The following ARHGEF33 variants were observed in gnomAD, a reference collection of about 807,000 sequenced individuals.
ARHGEF33 encodes DH and coiled-coil domain-containing protein ENSP00000381780.
Under a neutral mutation model 101.9 loss-of-function variants are expected in ARHGEF33, and 72 were observed. That is an observed-to-expected ratio of 0.71 (90% CI 0.58 to 0.86). ARHGEF33 has a LOEUF of 0.86. ARHGEF33 is among the 40% of genes least tolerant of loss of function. ARHGEF33 has a pLI of 0.00. For synonymous variants in ARHGEF33, 499 were observed against 442.5 expected (o/e 1.13, Z -1.60); for missense variants, 1,169 against 1,111.3 (o/e 1.05, Z -0.74).
chr2:38,935,714 G>A (rs1400072545), intron 7 of ARHGEF33, 61 bp from the exon 8 acceptor site: 12 of 1,391,956 alleles, frequency 8.6e-6, no homozygotes, highest in Non-Finnish European at 1.1e-5. Context: ...CAGGCTCGTG[G>A]AAGGTGCTTA....
chr2:38,931,397 TC>T, intron 7 of ARHGEF33, 146 bp downstream of exon 7: 2 of 715,910 alleles, frequency 2.8e-6, no homozygotes, highest in East Asian at 2.8e-5. Flanking sequence ...TTCAGAAGAA[TC>T]CAGAGGATCT....
At chr2:38,913,711 G>T (rs1018240593) in intron 2 of ARHGEF33, among the ~76,000 whole-genome samples, 5 of 151,930 alleles carry the variant, frequency 3.3e-5, no homozygotes, top group African/African-American at 1.2e-4. Flanking sequence ...AGGAGGTGGA[G>T]GTTGCAGTGA....
chr2:38,971,898 T>C, intron 17 of ARHGEF33: 2 of 718,572 alleles, frequency 2.8e-6, no homozygotes, highest in Non-Finnish European at 5.2e-6. Context: ...TGAAGATTTC[T>C]GTGGTCCTTG....
At chr2:38,967,214 G>T (rs896424141) in intron 17 of ARHGEF33, among the ~76,000 whole-genome samples, 1 of 152,178 alleles carries the variant, frequency 6.6e-6, no homozygotes, top group African/African-American at 2.4e-5. Flanking sequence ...TGTTTTTGCT[G>T]GTTTGTCTAA....
chr2:38,957,271 A>G (rs1189739506), intron 14 of ARHGEF33, among the ~76,000 whole-genome samples: 1 of 152,218 alleles, frequency 6.6e-6, no homozygotes, highest in East Asian at 1.9e-4. Flanking sequence ...TACTGCTTAC[A>G]TAGACCCCCT....
At chr2:38,937,313 G>A (rs775258888) in intron 8 of ARHGEF33, 22 bp from the exon 9 acceptor site, 15 of 568,626 alleles carry the variant, frequency 2.6e-5, no homozygotes, top group South Asian at 1.9e-4. Context: ...TTGTTTCCCC[G>A]CCCCTCCCCC....
Position 38,954,396 on chromosome 2 carries a change from C to G in ARHGEF33, c.1161C>G (p.Asp387Glu). Residue 387 changes from aspartate to glutamate, a missense_variant, in exon 13 of 18, where the codon GAC becomes GAG. By Grantham distance (45) the Asp-to-Glu change is conservative. Coordinates refer to ENST00000409978, the MANE Select transcript of ARHGEF33 (RefSeq NM_001145451.5). ...AGGGTGATGAAGAGATTAAATCTGA[C>G]ATCTACACGTTGTTTTTTCACATAG... Reference protein sequence around the residue: ...LKEGDEEIKSDIYTLFFHIVQ... With the variant: ...LKEGDEEIKSEIYTLFFHIVQ... 6.5e-7 allele frequency: 1 copy of G among 1,546,832 alleles called. No homozygotes were observed. Among genetic ancestry groups the G allele is most frequent in the South Asian group, 1.2e-5 (1 of 83,782 alleles).
chr2:38,893,711 C>T (rs778943278), intron 1 of ARHGEF33, among the ~76,000 whole-genome samples: 7 of 152,182 alleles, frequency 4.6e-5, no homozygotes, highest in Non-Finnish European at 7.3e-5. Flanking sequence ...GCACCTGGTA[C>T]AATGCCTTTT....
intron 1 of ARHGEF33, among the ~76,000 whole-genome samples, chr2:38,892,184 G>A (rs1388597977): frequency 6.6e-6 from 1 of 152,030 alleles, no homozygotes. Flanking sequence ...TTTGTCTTTG[G>A]GGCCTACTTA....
At chr2:38,941,393 T>TTCACATAAA (rs1419234367) in intron 9 of ARHGEF33, among the ~76,000 whole-genome samples, 3 of 152,182 alleles carry the variant, frequency 2.0e-5, no homozygotes, top group Admixed American at 6.5e-5. Context: ...GCAAAATGCT[T>TTCACATAAA]TCACATAGTT....
Position 38,973,729 on chromosome 2 carries a change from A to G in ARHGEF33, c.2499A>G (p.Glu833=), listed in dbSNP as rs919930044. ...GAGATTTTAGGTCCAGTGGATCAGAATACAGGGAAAAAACTAATGAGAATC... is the reference window on the plus strand; with the variant it reads ...GAGATTTTAGGTCCAGTGGATCAGAGTACAGGGAAAAAACTAATGAGAATC... The part of the protein sequence containing the change: ...KLFKKKSSGS[E]YREKTNENPS... The change falls in exon 18 of 18, where the codon GAA becomes GAG. Residue 833 remains glutamate, a synonymous_variant. Transcript: ENST00000409978. 20 of 1,542,520 alleles carry G rather than the reference A, an allele frequency of 1.3e-5. No individual in the cohort carries two copies. Among genetic ancestry groups the G allele is most frequent in the Non-Finnish European group, 1.7e-5 (20 of 1,143,020 alleles).
At chr2:38,898,613 G>A (rs747637272) in intron 2 of ARHGEF33, among the ~76,000 whole-genome samples, 59 of 152,250 alleles carry the variant, frequency 3.9e-4, no homozygotes, top group Non-Finnish European at 2.4e-4. Flanking sequence ...ATAAAGCCAG[G>A]CTTGCAGATA....
At chr2:38,933,804 A>AG (rs1440761344) in intron 7 of ARHGEF33, among the ~76,000 whole-genome samples, 2 of 152,218 alleles carry the variant, frequency 1.3e-5, no homozygotes, top group African/African-American at 4.8e-5. Flanking sequence ...GTAAATGCTA[A>AG]GGGGTGGGGA....
intron 1 of ARHGEF33, among the ~76,000 whole-genome samples, chr2:38,895,315 C>T (rs1367922200): frequency 6.6e-6 from 1 of 152,068 alleles, no homozygotes; most frequent in Non-Finnish European, 1.5e-5. Flanking sequence ...TCAATTGGCG[C>T]TTAAAGAAAA....
At chr2:38,894,594 A>G (rs2124975934) in intron 1 of ARHGEF33, among the ~76,000 whole-genome samples, 1 of 152,288 alleles carries the variant, frequency 6.6e-6, no homozygotes, top group African/African-American at 2.4e-5. Flanking sequence ...CTCTTCTGCC[A>G]TCCTTAGTAT....
chr2:38,897,727 A>G (rs1666151684), intron 2 of ARHGEF33, among the ~76,000 whole-genome samples: 1 of 152,214 alleles, frequency 6.6e-6, no homozygotes, highest in Non-Finnish European at 1.5e-5. Context: ...TGTAGACAAG[A>G]TGCTATACCA....
chr2:38,973,927 T>G lies in ARHGEF33; in HGVS notation c.*84T>G. ...CTGTGTAGGAATATATATATATATCTATATCTATATATATATATATATCGA... is the reference window on the plus strand; with the variant it reads ...CTGTGTAGGAATATATATATATATCGATATCTATATATATATATATATCGA... On this transcript the variant is annotated 3_prime_UTR_variant, in exon 18 of 18. Transcript: ENST00000409978. 8.7e-6 allele frequency: 7 copies of G among 806,932 alleles called. No individual in the cohort carries two copies. Among genetic ancestry groups the G allele is most frequent in the Non-Finnish European group, 9.6e-6 (6 of 623,190 alleles). The allele number at this position is 806,932 out of a possible 1,614,324, so 50.0% of individuals were successfully genotyped here. A position where few individuals can be genotyped will look rare whatever the true frequency, so the allele number is the denominator to read the frequency against.
intron 16 of ARHGEF33, 66 bp downstream of exon 16, chr2:38,960,714 C>T: frequency 8.3e-7 from 1 of 1,205,836 alleles, no homozygotes; most frequent in Admixed American, 3.9e-5. Context: ...CAGGAAGCAT[C>T]CCGAGTTCTC....
In ARHGEF33 at chr2:38,959,945, A is replaced by C. The variant is rs992184319; in HGVS notation, c.1640A>C (p.Glu547Ala). The change falls in exon 16 of 18, where the codon GAG becomes GCG. Residue 547 changes from glutamate (E) to alanine (A), a missense_variant. Transcript: ENST00000409978. Reference sequence around the variant, plus strand: ...TGGGAGCTGGAGGGCAGGAAGCACGAGCGGCCCGAGAGCCTTCTGGCACCG... The same window carrying C: ...TGGGAGCTGGAGGGCAGGAAGCACGCGCGGCCCGAGAGCCTTCTGGCACCG... Reference protein sequence around the residue: ...SDWELEGRKHERPESLLAPTQ... With the variant: ...SDWELEGRKHARPESLLAPTQ... 61 of 1,551,554 alleles carry C rather than the reference A, an allele frequency of 3.9e-5. No individual in the cohort carries two copies. The Admixed American group carries it at 9.2e-4, about 23-fold the overall frequency.
Sources: gnomAD v4.1 joint callset for allele counts (sites outside exome capture counted in the v4.1 genomes callset) on GRCh38, gnomAD v4.1.1 for gene constraint, MANE v1.5 for transcripts, NCBI Gene and HGNC (gene_info 2026-07-23, HGNC 2026-07-21) for gene names.